The following DNAH17 variants were observed in gnomAD, a reference collection of about 807,000 sequenced individuals.
DNAH17 encodes the protein dynein axonemal heavy chain 17.
In DNAH17, 376 loss-of-function variants were observed where a neutral mutation model predicts 485.6. That is an observed-to-expected ratio of 0.77 (90% confidence interval 0.71 to 0.84). The LOEUF (loss-of-function observed/expected upper bound fraction) is 0.84. Ranked by LOEUF, DNAH17 falls within the 40% of genes least tolerant of loss-of-function variation. DNAH17 has a pLI of 0.00. For missense variants in DNAH17, 6,370 were observed against 5,839.3 expected, an observed-to-expected ratio of 1.09 and a Z score of -2.96; for synonymous variants, 3,031 against 2,405.9, an observed-to-expected ratio of 1.26 and a Z score of -7.60.
Position 78,569,369 on chromosome 17 carries a change from G to T in DNAH17, c.1197+6C>A. ...CCTTGGCCCTCGCCCTGCGAGGAAG[G>T]GGTACCTTAAAGAAAAGCTTCATGT... On this transcript the variant is annotated splice_donor_region_variant and intron_variant, in intron 8 of 80. Coordinates refer to ENST00000389840, the MANE Select transcript of DNAH17 (RefSeq NM_173628.4). 2 of 1,612,770 alleles carry T rather than the reference G, an allele frequency of 1.2e-6. No homozygotes were observed. Among genetic ancestry groups the T allele is most frequent in the African/African-American group, 1.3e-5 (1 of 75,050 alleles).
intron 72 of DNAH17, 72 bp downstream of exon 72, chr17:78,440,979 T>G (rs2087052026): frequency 1.3e-6 from 2 of 1,534,846 alleles, no homozygotes; most frequent in South Asian, 2.4e-5. Context: ...GCTTTTGGTG[T>G]GCATTTTCCT....
At position 78,513,772 on chromosome 17, in the gene DNAH17, A is replaced by G. The variant is rs144596227; in HGVS notation, c.4113+1002T>C. ...AATCTGTCTCTCATCAGTCTAATTT[A>G]CAGGAGCCCCAGCCAGGGAACCTAA... On this transcript the variant is annotated intron_variant, in intron 26 of 80. Transcript: ENST00000389840. Among the ~76,000 whole-genome samples, 12 of 152,226 alleles carry G rather than the reference A, an allele frequency of 7.9e-5. No homozygotes were observed. The East Asian group carries it at 2.1e-3, about 27-fold the overall frequency.
At chr17:78,491,368 G>C in intron 43 of DNAH17, 75 bp downstream of exon 43, 3 of 1,551,964 alleles carry the variant, frequency 1.9e-6, no homozygotes, top group Middle Eastern at 1.7e-4. Context: ...TGAGTGCTCC[G>C]TAGGCGCCTC....
intron 51 of DNAH17, among the ~76,000 whole-genome samples, chr17:78,478,145 CCAT>C (rs1407396008): frequency 1.3e-5 from 2 of 150,876 alleles, no homozygotes; most frequent in South Asian, 2.1e-4. Flanking sequence ...CATCACATCA[CCAT>C]CATCACCATT....
chr17:78,510,214 G>C (rs533934511), intron 27 of DNAH17, among the ~76,000 whole-genome samples, 170 bp downstream of exon 27: 1 of 152,054 alleles, frequency 6.6e-6, no homozygotes, highest in Non-Finnish European at 1.5e-5. Context: ...CAAACAAATA[G>C]ATTCCAGAAT....
In DNAH17 at chr17:78,529,341, G is replaced by A. The variant is rs1024640797; in HGVS notation, c.3507+131C>T. ...CCTCCCTGCACCTCCCTGTTCCATG[G>A]GGATCTGATGTCCAGAGAGGATCTA... On this transcript the variant is annotated intron_variant, in intron 22 of 80. Coordinates refer to ENST00000389840, the MANE Select transcript of DNAH17 (RefSeq NM_173628.4). 3 of 893,632 alleles carry A rather than the reference G, an allele frequency of 3.4e-6. No homozygotes were observed. The African/African-American group carries it at 5.0e-5, about 15-fold the overall frequency. The allele number at this position is 893,632 out of a possible 1,614,324, so 55.4% of individuals were successfully genotyped here. A position where few individuals can be genotyped will look rare whatever the true frequency, so the allele number is the denominator to read the frequency against.
chr17:78,551,404 G>A (rs531310564), intron 16 of DNAH17, 131 bp downstream of exon 16: 5 of 725,198 alleles, frequency 6.9e-6, no homozygotes, highest in African/African-American at 5.3e-5. Context: ...CCGGTGGAGA[G>A]CACTGCACGG....
intron 18 of DNAH17, among the ~76,000 whole-genome samples, chr17:78,538,075 G>T (rs1412476452): frequency 1.3e-5 from 2 of 150,670 alleles, no homozygotes; most frequent in African/African-American, 2.4e-5. Flanking sequence ...AAGAGGCGGA[G>T]GTTGCAATGA....
At chr17:78,536,796 G>A (rs1250910951) in intron 19 of DNAH17, among the ~76,000 whole-genome samples, 2 of 152,146 alleles carry the variant, frequency 1.3e-5, no homozygotes, top group Non-Finnish European at 2.9e-5. Context: ...GGTTGACTGA[G>A]AAGAAGCTGC....
chr17:78,429,493 C>T (rs920829435), intron 75 of DNAH17, among the ~76,000 whole-genome samples, 193 bp from the exon 76 acceptor site: 21 of 152,204 alleles, frequency 1.4e-4, no homozygotes, highest in Non-Finnish European at 2.5e-4. Context: ...TTCCATTCCG[C>T]GCCACCAGAC....
intron 61 of DNAH17, 160 bp from the exon 62 acceptor site, chr17:78,458,840 T>A: frequency 9.7e-7 from 1 of 1,035,660 alleles, no homozygotes; most frequent in Non-Finnish European, 1.4e-6. Flanking sequence ...ACCAAGCGGC[T>A]CCCGGCACCA....
chr17:78,436,544 T>C (rs956287339), intron 74 of DNAH17, among the ~76,000 whole-genome samples: 11 of 151,328 alleles, frequency 7.3e-5, no homozygotes, highest in Admixed American at 1.3e-4. Flanking sequence ...AGGAGAAATA[T>C]CGACATGAGG....
intron 48 of DNAH17, among the ~76,000 whole-genome samples, 199 bp from the exon 49 acceptor site, chr17:78,480,985 C>T (rs2089322089): frequency 6.6e-6 from 1 of 152,034 alleles, no homozygotes; most frequent in Non-Finnish European, 1.5e-5. Flanking sequence ...TTAGTTGAGA[C>T]GGGGTTTCGC....
At chr17:78,458,973 G>T (rs750849038) in intron 61 of DNAH17, 28 bp downstream of exon 61, 14 of 1,611,094 alleles carry the variant, frequency 8.7e-6, no homozygotes, top group Middle Eastern at 1.7e-4. Context: ...CTGGTGTTTC[G>T]CAGGGACGGG....
chr17:78,517,020 A>G lies in DNAH17; in HGVS notation c.3865-1998T>C, dbSNP rs775663043. ...TAAAGTCATAATAGCTTCCTTTTGG[A>G]GGGGAGGAAGATTTGACAAATGATT... On this transcript the variant is annotated intron_variant, in intron 25 of 80. Transcript: ENST00000389840. Among the ~76,000 whole-genome samples the G allele has an allele frequency of 1.5e-4, 23 of 152,326 alleles. 1 individual carries two copies. The highest frequency in any genetic ancestry group is 2.8e-4 in the Non-Finnish European group (19 of 68,034).
At position 78,475,426 on chromosome 17, in the gene DNAH17, C is replaced by A. The variant is rs779799677; in HGVS notation, c.8363G>T (p.Arg2788Leu). 1.2e-6 allele frequency: 2 copies of A among 1,613,828 alleles called. No homozygotes were observed. Among genetic ancestry groups the A allele is most frequent in the Non-Finnish European group, 8.5e-7 (1 of 1,179,876 alleles). The stretch of plus-strand genomic sequence containing the variant: ...ATTCCCCCGGGGAGACTCCAGGATG[C>A]GATTAATCCTGCAGATGTGAGCCAC... Reference protein sequence around the residue: ...DAVAHICRINRILESPRGNAL... With the variant: ...DAVAHICRINLILESPRGNAL... Residue 2788 changes from arginine to leucine, a missense_variant, in exon 54 of 81, where the codon CGC becomes CTC. By Grantham distance (102) the Arg-to-Leu change is moderately radical. Coordinates refer to ENST00000389840, the MANE Select transcript of DNAH17 (RefSeq NM_173628.4).
Position 78,437,977 on chromosome 17 carries a change from C to T in DNAH17, c.11806-109G>A, listed in dbSNP as rs918570279. 4 of 777,464 alleles carry T rather than the reference C, an allele frequency of 5.1e-6. No individual in the cohort carries two copies. In the African/African-American group the frequency reaches 6.9e-5, roughly 13 times the overall value. 48.2% of individuals were successfully genotyped at this position (777,464 alleles called of 1,614,324 possible). ...GGTGAGGGCAGGGCTCTTCTGCCAG[C>T]ACCCCACACTTGCCTGGTGCTGGCA... On this transcript the variant is annotated intron_variant, in intron 73 of 80. Coordinates refer to ENST00000389840, the MANE Select transcript of DNAH17 (RefSeq NM_173628.4).
chr17:78,490,217 C>T (rs138787985), intron 44 of DNAH17: 6 of 155,560 alleles, frequency 3.9e-5, no homozygotes, highest in Middle Eastern at 3.3e-3. Context: ...CCAGCATCAG[C>T]GCCTTCCCGT....
At chr17:78,501,493 G>C in intron 34 of DNAH17, 149 bp from the exon 35 acceptor site, 2 of 1,057,804 alleles carry the variant, frequency 1.9e-6, no homozygotes, top group South Asian at 1.7e-5. Context: ...ACATCCAACT[G>C]TATGGCCACC....
Sources: allele counts gnomAD v4.1 joint callset (sites outside exome capture counted in the v4.1 genomes callset), GRCh38; gene constraint gnomAD v4.1.1; transcripts MANE v1.5; gene names NCBI Gene and HGNC (gene_info 2026-07-23, HGNC 2026-07-21).